NUMBL: variants seen among roughly 807,000 people sequenced by gnomAD.
The protein encoded by NUMBL is NUMB like endocytic adaptor protein.
NUMBL carries 20 observed loss-of-function variants against 48.9 expected under a neutral mutation model. The ratio of observed to expected loss-of-function variants is 0.41; its 90% CI spans 0.29 to 0.59. The LOEUF (loss-of-function observed/expected upper bound fraction) is 0.59. Among genes scored for constraint, NUMBL ranks in the 20% least tolerant of loss-of-function variants. The pLI is 0.31. For missense variants in NUMBL, 660 were observed against 846.2 expected (o/e 0.78, Z 2.73); for synonymous variants, 340 against 348.7 (o/e 0.98, Z 0.28).
chr19:40,674,290 G>C (rs117364042), intron 7 of NUMBL, among the ~76,000 whole-genome samples: 2,073 of 152,194 alleles, frequency 0.014, 23 homozygotes, highest in Admixed American at 0.028. Context: ...ACCTCAAGTA[G>C]CTCCTCCCTT....
chr19:40,686,501 T>C (rs1400356582), intron 2 of NUMBL, among the ~76,000 whole-genome samples: 4 of 152,206 alleles, frequency 2.6e-5, no homozygotes, highest in Non-Finnish European at 5.9e-5. Flanking sequence ...TCAGAGTCTG[T>C]ATCCAGCGAG....
intron 9 of NUMBL, among the ~76,000 whole-genome samples, chr19:40,668,724 AC>A (rs1265839833): frequency 3.9e-5 from 6 of 152,070 alleles, no homozygotes; most frequent in Non-Finnish European, 8.8e-5. Context: ...TTCCCAAAGT[AC>A]TAGGATTACA....
Position 40,682,992 on chromosome 19 carries a change from G to GGA in NUMBL, c.250-25_250-24insTC. ...TACTTGGGTTGGAGGGAATGGGGGG[G>GGA]GGGACATGAAACAGCACAGTAATCA... On this transcript the variant is annotated intron_variant, in intron 3 of 9. Coordinates refer to ENST00000252891, the MANE Select transcript of NUMBL (RefSeq NM_004756.5). The surrounding 1 kb of genome is among the most constrained non-coding windows in gnomAD (Gnocchi z 4.0). 6.2e-7 allele frequency: 1 copy of GGA among 1,608,444 alleles called. No homozygotes were observed. The highest frequency in any genetic ancestry group is 8.5e-7 in the Non-Finnish European group (1 of 1,175,192).
At position 40,673,631 on chromosome 19, in the gene NUMBL, G is replaced by C. The variant is rs560767622; in HGVS notation, c.749C>G (p.Pro250Arg). The change falls in exon 8 of 10, where the codon CCC (proline) becomes CGC (arginine). Residue 250 changes from proline (P) to arginine (R), a missense_variant. Around this residue, in one of 3 missense-constraint regions of NUMBL, gnomAD observed 278 missense variants for 420.6 expected, o/e 0.66. Coordinates refer to ENST00000252891, the MANE Select transcript of NUMBL (RefSeq NM_004756.5). The surrounding 1 kb of genome is among the most constrained non-coding windows in gnomAD (Gnocchi z 5.9). ...CTGGGCAGGGCCAGGAGCCACAGTG[G>C]GGGCAGCTGCTGCCTCTGCTGGAGA... ...DKKKAEAAAA[P>R]TVAPGPAQPG... 6.7e-7 allele frequency: 1 copy of C among 1,496,092 alleles called. No homozygotes were observed. Among genetic ancestry groups the C allele is most frequent in the African/African-American group, 1.4e-5 (1 of 71,608 alleles). The allele number at this position is 1,496,092 out of a possible 1,614,324, so 92.7% of individuals were successfully genotyped here.
Position 40,667,842 on chromosome 19 carries a change from T to C in NUMBL, c.1456A>G (p.Met486Val), listed in dbSNP as rs1266134429. 3.8e-6 allele frequency: 6 copies of C among 1,591,162 alleles called. No individual in the cohort carries two copies. Among genetic ancestry groups the C allele is most frequent in the African/African-American group, 2.7e-5 (2 of 74,458 alleles). Residue 486 changes from methionine to valine, a missense_variant, in exon 10 of 10, where the codon ATG becomes GTG. By Grantham distance (21) the Met-to-Val change is conservative. This residue lies in a region of NUMBL where 296 missense variants were observed against 339.7 expected (regional missense o/e 0.87). Transcript: ENST00000252891. The surrounding 1 kb of genome is among the most constrained non-coding windows in gnomAD (Gnocchi z 6.1). Reference protein sequence around the residue: ...QVAVFLPPPHMQPPFVPAYPG... With the variant: ...QVAVFLPPPHVQPPFVPAYPG... Reference sequence around the variant, plus strand: ...TAGGCGGGCACAAAAGGGGGCTGCATGTGTGGGGGTGGCAGGAACACGGCC... The same window carrying C: ...TAGGCGGGCACAAAAGGGGGCTGCACGTGTGGGGGTGGCAGGAACACGGCC...
At position 40,690,318 on chromosome 19, in the gene NUMBL, T is replaced by C; in HGVS notation, c.24+142A>G. ...CTCCTGGGCTTTGGCTTGTTGGGCC[T>C]GTTCCTGGACCCCCACCCGGGACCA... On this transcript the variant is annotated intron_variant, in intron 1 of 9. Transcript: ENST00000252891. The C allele has an allele frequency of 9.1e-6, 4 of 439,642 alleles. 1 individual carries two copies. In the Admixed American group the frequency reaches 1.4e-4, roughly 15 times the overall value. 27.2% of individuals were successfully genotyped at this position (439,642 alleles called of 1,614,324 possible). A position where few individuals can be genotyped will look rare whatever the true frequency, so the allele number is the denominator to read the frequency against.
Position 40,668,082 on chromosome 19 carries a change from G to T in NUMBL, c.1216C>A (p.His406Asn). 1 of 1,601,590 alleles carries T rather than the reference G, an allele frequency of 6.2e-7. No homozygotes were observed. The highest frequency in any genetic ancestry group is 8.5e-7 in the Non-Finnish European group (1 of 1,174,830). The change falls in exon 10 of 10, where the codon CAC becomes AAC. Residue 406 changes from histidine (H) to asparagine (N), a missense_variant. Transcript: ENST00000252891. ...TCAGCCTCTGAAGGTGTCCGCTTGT[G>T]CCCAGGCTGGAAGGCAGCTGCAGGG... is the stretch of plus-strand genomic sequence containing the variant. The part of the protein sequence containing the change: ...VPPAAAFQPG[H>N]KRTPSEAERW...
chr19:40,681,260 T>C (rs2081903927), intron 5 of NUMBL, among the ~76,000 whole-genome samples: 1 of 151,920 alleles, frequency 6.6e-6, no homozygotes, highest in Non-Finnish European at 1.5e-5. Flanking sequence ...CCCAGAGTCA[T>C]AGCCAGGATG....
At chr19:40,680,433 A>G (rs2081898928) in intron 6 of NUMBL, among the ~76,000 whole-genome samples, 1 of 144,390 alleles carries the variant, frequency 6.9e-6, no homozygotes, top group Non-Finnish European at 1.5e-5. Flanking sequence ...TACAGGCGTG[A>G]GCCACCACGC....
intron 8 of NUMBL, among the ~76,000 whole-genome samples, chr19:40,670,319 A>T (rs903369868): frequency 6.6e-6 from 1 of 152,232 alleles, no homozygotes; most frequent in Admixed American, 6.5e-5. Flanking sequence ...TTAGCAACAT[A>T]TATTAGTTTA....
chr19:40,680,725 A>C (rs1343782546), intron 6 of NUMBL, among the ~76,000 whole-genome samples, 192 bp downstream of exon 6: 1 of 152,224 alleles, frequency 6.6e-6, no homozygotes, highest in Non-Finnish European at 1.5e-5. Context: ...CTGGGATTAC[A>C]GGTGTGAGCC....
chr19:40,668,421 C>T (rs1377777456), intron 9 of NUMBL, among the ~76,000 whole-genome samples: 4 of 152,194 alleles, frequency 2.6e-5, no homozygotes, highest in East Asian at 3.8e-4. Flanking sequence ...CCTAGCCCCA[C>T]TACCCTTCTG....
chr19:40,677,721 G>A (rs1424687661), intron 6 of NUMBL, among the ~76,000 whole-genome samples: 1 of 152,126 alleles, frequency 6.6e-6, no homozygotes, highest in African/African-American at 2.4e-5. Flanking sequence ...GGTGGCTCTC[G>A]CCTGTAATCC....
Position 40,667,967 on chromosome 19 carries a change from T to C in NUMBL, c.1331A>G (p.Gln444Arg), listed in dbSNP as rs1321807921. The C allele has an allele frequency of 6.8e-7, 1 of 1,478,348 alleles. No homozygotes were observed. Among genetic ancestry groups the C allele is most frequent in the African/African-American group, 2.5e-5 (1 of 39,226 alleles). 91.6% of individuals were successfully genotyped at this position (1,478,348 alleles called of 1,614,324 possible). Residue 444 changes from glutamine to arginine, a missense_variant, in exon 10 of 10, where the codon CAG (glutamine) becomes CGG (arginine). Physicochemically the swap from Gln to Arg is conservative, Grantham distance 43. Transcript: ENST00000252891. The surrounding 1 kb of genome is among the most constrained non-coding windows in gnomAD (Gnocchi z 6.1). Reference protein sequence around the residue: ...QQQQQQQQQQQQQAASVAPVP... With the variant: ...QQQQQQQQQQRQQAASVAPVP... ...TGGGGCCACTGAGGCTGCTTGCTGC[T>C]GTTGCTGCTGCTGCTGCTGCTGCTG...
Position 40,684,573 on chromosome 19 carries a change from G to A in NUMBL, c.110-17C>T, listed in dbSNP as rs760842469. The stretch of plus-strand genomic sequence containing the variant: ...CCGCCCCGTCTGGTGACACAGGACA[G>A]TGATGTGGGTCAAGGGTGGGGGTCA... On this transcript the variant is annotated splice_polypyrimidine_tract_variant and intron_variant, in intron 2 of 9. Coordinates refer to ENST00000252891, the MANE Select transcript of NUMBL (RefSeq NM_004756.5). 160 of 1,592,292 alleles carry A rather than the reference G, an allele frequency of 1.0e-4. No individual in the cohort carries two copies. The highest frequency in any genetic ancestry group is 5.0e-4 in the Middle Eastern group (3 of 6,014).
At position 40,682,337 on chromosome 19, in the gene NUMBL, C is replaced by T. The variant is rs922838853; in HGVS notation, c.399+391G>A. 6.6e-6 allele frequency among the ~76,000 whole-genome samples: 1 copy of T among 152,100 alleles called. No homozygotes were observed. Among genetic ancestry groups the T allele is most frequent in the Non-Finnish European group, 1.5e-5 (1 of 68,026 alleles). ...GATGAGGTTTCACCATATTGCCAGG[C>T]TGGTCTCGAACTCCTGACCTCAGGT... On this transcript the variant is annotated intron_variant, in intron 5 of 9. Coordinates refer to ENST00000252891, the MANE Select transcript of NUMBL (RefSeq NM_004756.5). This position sits in a 1 kb window ranked among gnomAD's most constrained non-coding sequence, Gnocchi z 4.0.
chr19:40,667,174 G>A lies in NUMBL; in HGVS notation c.*294C>T. The A allele has an allele frequency of 2.4e-6, 1 of 419,200 alleles. No individual in the cohort carries two copies. Among genetic ancestry groups the A allele is most frequent in the South Asian group, 2.4e-5 (1 of 42,374 alleles). The allele number at this position is 419,200 out of a possible 1,614,324, so 26.0% of individuals were successfully genotyped here. ...ATGGAGTGTGAACCAAGGGCATTCA[G>A]TGGGATTGTGGCCAACCCCTGTGTC... On this transcript the variant is annotated 3_prime_UTR_variant, in exon 10 of 10. Coordinates refer to ENST00000252891, the MANE Select transcript of NUMBL (RefSeq NM_004756.5). The surrounding 1 kb of genome is among the most constrained non-coding windows in gnomAD (Gnocchi z 6.1).
In NUMBL at chr19:40,667,822, G is replaced by A. The variant is rs745741637; in HGVS notation, c.1476C>T (p.Pro492=). 2.9e-5 allele frequency: 46 copies of A among 1,587,508 alleles called. No homozygotes were observed. The highest frequency in any genetic ancestry group is 2.5e-4 in the Admixed American group (14 of 56,044). The change falls in exon 10 of 10, where the codon CCC becomes CCT. Residue 492 remains proline, a synonymous_variant. Coordinates refer to ENST00000252891, the MANE Select transcript of NUMBL (RefSeq NM_004756.5). This position sits in a 1 kb window ranked among gnomAD's most constrained non-coding sequence, Gnocchi z 6.1. Reference sequence around the variant, plus strand: ...GTGGGTAGCCCAAGCCCGGGTAGGCGGGCACAAAAGGGGGCTGCATGTGTG... The same window carrying A: ...GTGGGTAGCCCAAGCCCGGGTAGGCAGGCACAAAAGGGGGCTGCATGTGTG... The part of the protein sequence containing the change: ...PPPHMQPPFV[P]AYPGLGYPPM...
chr19:40,686,850 G>T, intron 2 of NUMBL, 61 bp downstream of exon 2: 2 of 1,027,444 alleles, frequency 1.9e-6, no homozygotes, highest in East Asian at 2.6e-5. Flanking sequence ...AGCTCCTCTG[G>T]TCGTGTTAGG....
Sources: allele counts gnomAD v4.1 joint callset (sites outside exome capture counted in the v4.1 genomes callset), GRCh38; gene constraint gnomAD v4.1.1; regional missense constraint gnomAD v4.1.1; non-coding constraint Gnocchi (gnomAD v3.1); transcripts MANE v1.5; gene names NCBI Gene and HGNC (gene_info 2026-07-23, HGNC 2026-07-21).